Variants in CACNA1D observed in about 807,000 individuals in gnomAD.
CACNA1D encodes the protein calcium voltage-gated channel subunit alpha1 D.
A neutral mutation model predicts 257.1 loss-of-function variants in CACNA1D; 55 were observed. The observed-to-expected ratio is 0.21, with a 90% CI of 0.17 to 0.27. The LOEUF is 0.27. Ranked by LOEUF, CACNA1D falls within the 10% of genes least tolerant of loss-of-function variation. The pLI is 1.00. For missense variants in CACNA1D, 1,876 were observed against 2,784.0 expected, an observed-to-expected ratio of 0.67 and a Z score of 7.34; for synonymous variants, 980 against 1,014.9, an observed-to-expected ratio of 0.97 and a Z score of 0.65.
chr3:53,705,059 G>C (rs1402434183), intron 9 of CACNA1D, among the ~76,000 whole-genome samples: 3 of 152,242 alleles, frequency 2.0e-5, no homozygotes, highest in Non-Finnish European at 2.9e-5. Context: ...GATGATGACA[G>C]AAATCAATGA....
chr3:53,652,227 A>G (rs1217488201), intron 4 of CACNA1D, among the ~76,000 whole-genome samples: 1 of 152,090 alleles, frequency 6.6e-6, no homozygotes, highest in African/African-American at 2.4e-5. Flanking sequence ...TCAGCTAGGA[A>G]TGGAGATGCT....
intron 40 of CACNA1D, among the ~76,000 whole-genome samples, chr3:53,798,690 C>A (rs1559707506): frequency 6.6e-6 from 1 of 152,190 alleles, no homozygotes; most frequent in Non-Finnish European, 1.5e-5. Context: ...CTTTTGTGCA[C>A]CAGGCTATTT....
Position 53,810,290 on chromosome 3 carries a change from G to C in CACNA1D, c.6184G>C (p.Val2062Leu). 1 of 1,613,590 alleles carries C rather than the reference G, an allele frequency of 6.2e-7. No homozygotes were observed. Among genetic ancestry groups the C allele is most frequent in the African/African-American group, 1.3e-5 (1 of 75,028 alleles). Residue 2062 changes from valine (V) to leucine (L), a missense_variant, in exon 47 of 48, where the codon GTG becomes CTG. This residue lies in a region of CACNA1D where 491 missense variants were observed against 554.3 expected (regional missense o/e 0.89). Transcript: ENST00000350061. ...SDKQRSADSL[V>L]EAVLISEGLG... ...CAAGCAGAGGAGTGCGGACAGCTTG[G>C]TGGAGGCAGTGAGTACGGTTCTTGG...
At chr3:53,567,526 A>T (rs2092866695) in intron 3 of CACNA1D, among the ~76,000 whole-genome samples, 1 of 152,198 alleles carries the variant, frequency 6.6e-6, no homozygotes, top group Non-Finnish European at 1.5e-5. Context: ...CACCTTTCAA[A>T]ATAGAGCTGT....
intron 3 of CACNA1D, among the ~76,000 whole-genome samples, chr3:53,586,081 A>G (rs752998622): frequency 5.9e-5 from 9 of 152,138 alleles, no homozygotes; most frequent in African/African-American, 9.7e-5. Context: ...TATGTGGGTA[A>G]TGGGCCAGAA....
intron 46 of CACNA1D, chr3:53,809,034 C>A (rs534203734): frequency 2.3e-4 from 116 of 494,544 alleles, no homozygotes; most frequent in Non-Finnish European, 3.4e-4. Context: ...TGCCTCCCTG[C>A]GATCCCCACC....
At chr3:53,562,290 C>G (rs977925405) in intron 3 of CACNA1D, among the ~76,000 whole-genome samples, 1 of 152,172 alleles carries the variant, frequency 6.6e-6, no homozygotes, top group Non-Finnish European at 1.5e-5. Flanking sequence ...TTTTGGGAAA[C>G]ACTGTGCTGA....
intron 3 of CACNA1D, among the ~76,000 whole-genome samples, chr3:53,511,093 A>C (rs969662580): frequency 8.5e-5 from 13 of 152,164 alleles, no homozygotes; most frequent in Admixed American, 3.9e-4. Context: ...GGGAAGAAGA[A>C]TATCCAATCC....
chr3:53,607,636 C>T (rs1297130117), intron 3 of CACNA1D, among the ~76,000 whole-genome samples: 1 of 152,192 alleles, frequency 6.6e-6, no homozygotes, highest in Admixed American at 6.5e-5. Flanking sequence ...AGTGGATTCT[C>T]CCCCAGAGAA....
At chr3:53,665,630 C>T (rs756709962) in intron 5 of CACNA1D, 30 bp from the exon 6 acceptor site, 2 of 1,602,238 alleles carry the variant, frequency 1.2e-6, no homozygotes, top group Non-Finnish European at 1.7e-6. Context: ...CTTCCTGGCT[C>T]ACAAACTTAT....
intron 3 of CACNA1D, among the ~76,000 whole-genome samples, chr3:53,537,367 A>G (rs1335406534): frequency 3.3e-5 from 5 of 152,162 alleles, no homozygotes; most frequent in Admixed American, 3.3e-4. Context: ...TCTTATAGCC[A>G]ATCTTATTTA....
At chr3:53,773,086 A>G (rs2095375493) in intron 33 of CACNA1D, among the ~76,000 whole-genome samples, 188 bp downstream of exon 33, 1 of 152,252 alleles carries the variant, frequency 6.6e-6, no homozygotes, top group Admixed American at 6.5e-5. Flanking sequence ...CCAGGCTCAG[A>G]TGAATGTGGA....
chr3:53,666,555 A>T lies in CACNA1D; in HGVS notation c.1116+20A>T, dbSNP rs2094265885. On this transcript the variant is annotated intron_variant, in intron 7 of 47. Transcript: ENST00000350061. Reference sequence around the variant, plus strand: ...TACTGGGTAAGTACCCTGGGGAGAGAGTTTATGGAGTGTTCTTTGCTTGGA... The same window carrying T: ...TACTGGGTAAGTACCCTGGGGAGAGTGTTTATGGAGTGTTCTTTGCTTGGA... The T allele has an allele frequency of 6.3e-7, 1 of 1,589,174 alleles. No individual in the cohort carries two copies. Among genetic ancestry groups the T allele is most frequent in the East Asian group, 2.2e-5 (1 of 44,732 alleles).
chr3:53,780,985 C>T lies in CACNA1D; in HGVS notation c.4691-581C>T, dbSNP rs553031903. On this transcript the variant is annotated intron_variant, in intron 38 of 47. Transcript: ENST00000350061. Reference sequence around the variant, plus strand: ...CCTCTTCCAGCCTAACTAACAGGGGCGCCTTGTAGCATGCTTGTCTGTACC... The same window carrying T: ...CCTCTTCCAGCCTAACTAACAGGGGTGCCTTGTAGCATGCTTGTCTGTACC... Among the ~76,000 whole-genome samples the T allele has an allele frequency of 5.9e-5, 9 of 152,326 alleles. No homozygotes were observed. In the East Asian group the frequency reaches 9.6e-4, roughly 16 times the overall value.
rs2095474698 is a variant in CACNA1D, at chr3:53,789,807, G to C, written c.4923+2855G>C. 6.6e-6 allele frequency among the ~76,000 whole-genome samples: 1 copy of C among 152,322 alleles called. No homozygotes were observed. Among genetic ancestry groups the C allele is most frequent in the Admixed American group, 6.5e-5 (1 of 15,306 alleles). ...AAGACCTCTGCGCCCCCACCCCCAG[G>C]GAATGTTTTTTCAAGGACACATATA... On this transcript the variant is annotated intron_variant, in intron 40 of 47. Coordinates refer to ENST00000350061, the MANE Select transcript of CACNA1D (RefSeq NM_001128840.3). The surrounding 1 kb of genome is among the most constrained non-coding windows in gnomAD (Gnocchi z 4.2).
intron 3 of CACNA1D, among the ~76,000 whole-genome samples, chr3:53,648,433 T>C (rs183242253): frequency 1.3e-5 from 2 of 152,302 alleles, no homozygotes; most frequent in East Asian, 3.9e-4. Context: ...GTTAATGTTA[T>C]GGCTTCATTG....
intron 29 of CACNA1D, 52 bp from the exon 30 acceptor site, chr3:53,761,946 G>T: frequency 7.9e-7 from 1 of 1,267,714 alleles, no homozygotes; most frequent in Non-Finnish European, 1.2e-6. Context: ...GGTCCGTGTG[G>T]TGGGTCATTC....
Position 53,774,632 on chromosome 3 carries a change from A to T in CACNA1D, c.4156A>T (p.Asn1386Tyr). Reference protein sequence around the residue: ...AMRDNNQINRNNNFQTFPQAV... With the variant: ...AMRDNNQINRYNNFQTFPQAV... ...GAGAGATAACAACCAGATCAATAGG[A>T]ACAATAACTTCCAGACGTTTCCCCA... is the stretch of plus-strand genomic sequence containing the variant. Residue 1386 changes from asparagine (N) to tyrosine (Y), a missense_variant, in exon 34 of 48, where the codon AAC (asparagine) becomes TAC (tyrosine). Transcript: ENST00000350061. This position sits in a 1 kb window ranked among gnomAD's most constrained non-coding sequence, Gnocchi z 4.3. 6.2e-7 allele frequency: 1 copy of T among 1,613,088 alleles called. No homozygotes were observed. Among genetic ancestry groups the T allele is most frequent in the Non-Finnish European group, 8.5e-7 (1 of 1,179,054 alleles).
At chr3:53,615,211 A>G (rs1417202906) in intron 3 of CACNA1D, among the ~76,000 whole-genome samples, 1 of 152,132 alleles carries the variant, frequency 6.6e-6, no homozygotes, top group Non-Finnish European at 1.5e-5. Context: ...TGGTAGAGGG[A>G]CCCAAACCTT....
Sources: allele counts gnomAD v4.1 joint callset (sites outside exome capture counted in the v4.1 genomes callset), GRCh38; gene constraint gnomAD v4.1.1; regional missense constraint gnomAD v4.1.1; non-coding constraint Gnocchi (gnomAD v3.1); transcripts MANE v1.5; gene names NCBI Gene and HGNC (gene_info 2026-07-23, HGNC 2026-07-21).